NALCN: variants seen among roughly 807,000 people sequenced by gnomAD.
The protein encoded by NALCN is sodium leak channel NALCN.
NALCN carries 111 observed loss-of-function variants against 225.3 expected under a neutral mutation model. The observed-to-expected ratio is 0.49, with a 90% CI of 0.42 to 0.58. The LOEUF is 0.58. Ranked by LOEUF, NALCN falls within the 20% of genes least tolerant of loss-of-function variation. NALCN has a pLI of 0.00. For synonymous variants in NALCN, 764 were observed against 769.0 expected, an observed-to-expected ratio of 0.99 and a Z score of 0.11; for missense variants, 1,378 against 2,202.4, an observed-to-expected ratio of 0.63 and a Z score of 7.49.
chr13:101,391,470 T>C (rs2047142868), intron 3 of NALCN, among the ~76,000 whole-genome samples: 1 of 144,650 alleles, frequency 6.9e-6, no homozygotes, highest in Non-Finnish European at 1.5e-5. Context: ...ATCGCTTGAG[T>C]CTGGGAGTTG....
At chr13:101,160,658 T>C (rs1475309199) in intron 15 of NALCN, among the ~76,000 whole-genome samples, 9 of 152,164 alleles carry the variant, frequency 5.9e-5, no homozygotes, top group Non-Finnish European at 1.0e-4. Context: ...TTGTTTTGTT[T>C]TGTTTTTGTT....
rs188358259 is a variant in NALCN, at chr13:101,104,215, C to T, written c.2889+80G>A. 3 of 1,511,534 alleles carry T rather than the reference C, an allele frequency of 2.0e-6. No homozygotes were observed. The African/African-American group carries it at 4.2e-5, about 21-fold the overall frequency. 93.6% of individuals were successfully genotyped at this position (1,511,534 alleles called of 1,614,324 possible). ...GAATCTAAGCCTCTGTAACTCATAC[C>T]TCTTGCGCTTATACCAAGAAATGCA... On this transcript the variant is annotated intron_variant, in intron 25 of 43. Coordinates refer to ENST00000251127, the MANE Select transcript of NALCN (RefSeq NM_052867.4). This position sits in a 1 kb window ranked among gnomAD's most constrained non-coding sequence, Gnocchi z 4.2.
chr13:101,183,728 G>A (rs1265814026), intron 14 of NALCN, among the ~76,000 whole-genome samples: 1 of 152,026 alleles, frequency 6.6e-6, no homozygotes, highest in Non-Finnish European at 1.5e-5. Flanking sequence ...CCAAAGTGCT[G>A]GGATTATAGG....
chr13:101,337,853 C>T (rs1202474398), intron 7 of NALCN, among the ~76,000 whole-genome samples: 5 of 152,134 alleles, frequency 3.3e-5, no homozygotes, highest in African/African-American at 4.8e-5. Context: ...CCTCAGCACA[C>T]GGGGCAGCAA....
intron 7 of NALCN, among the ~76,000 whole-genome samples, chr13:101,294,965 C>G (rs946253554): frequency 2.6e-5 from 4 of 152,056 alleles, no homozygotes; most frequent in African/African-American, 7.2e-5. Context: ...CAACCGGTTA[C>G]AACACAAATT....
rs552262701 is a variant in NALCN, at chr13:101,226,482, C to T, written c.1626+2911G>A. ...GTGTTTCTTACCTCTTTAACTCTTA[C>T]AATAACCATCCCCATGTTCCCATGG... is the stretch of plus-strand genomic sequence containing the variant. On this transcript the variant is annotated intron_variant, in intron 13 of 43. Transcript: ENST00000251127. 1.2e-3 allele frequency among the ~76,000 whole-genome samples: 177 copies of T among 152,332 alleles called. 1 individual carries two copies. Among genetic ancestry groups the T allele is most frequent in the African/African-American group, 3.8e-3 (158 of 41,578 alleles).
At chr13:101,305,057 G>A (rs560878654) in intron 7 of NALCN, among the ~76,000 whole-genome samples, 1 of 152,142 alleles carries the variant, frequency 6.6e-6, no homozygotes, top group East Asian at 1.9e-4. Flanking sequence ...ACCCGGCCTG[G>A]CCTGGAATAA....
chr13:101,214,855 A>G (rs938210028), intron 13 of NALCN, among the ~76,000 whole-genome samples: 5 of 152,084 alleles, frequency 3.3e-5, no homozygotes, highest in East Asian at 1.9e-4. Flanking sequence ...AAAAAATTCA[A>G]TGGCAAAAGG....
chr13:101,314,218 G>A (rs971465674), intron 7 of NALCN, among the ~76,000 whole-genome samples: 6 of 150,764 alleles, frequency 4.0e-5, no homozygotes, highest in African/African-American at 7.3e-5. Context: ...GCTAAATGAC[G>A]AGTTAATGGG....
At chr13:101,086,112 A>C (rs1232651236) in intron 30 of NALCN, among the ~76,000 whole-genome samples, 2 of 152,102 alleles carry the variant, frequency 1.3e-5, no homozygotes, top group African/African-American at 4.8e-5. Flanking sequence ...TGATTTAAAA[A>C]AAACCAAAAC....
rs1400744028 is a variant in NALCN, at chr13:101,111,160, G to A, written c.2259C>T (p.Ile753=). 1.9e-6 allele frequency: 3 copies of A among 1,608,804 alleles called. No individual in the cohort carries two copies. The Admixed American group carries it at 5.0e-5, about 27-fold the overall frequency. Residue 753 remains isoleucine, a synonymous_variant, in exon 19 of 44, where the codon ATC becomes ATT. Transcript: ENST00000251127. ...FEGQPAKERS[I]LSVQHHIRQE... is the part of the protein sequence containing the mutation. ...GGCGGATATGATGCTGCACGCTGAG[G>A]ATTGACCTCTCCTTTGCGGGCTGCC...
chr13:101,352,684 T>TCC (rs2045940448), intron 6 of NALCN, among the ~76,000 whole-genome samples: 1 of 152,158 alleles, frequency 6.6e-6, no homozygotes, highest in Admixed American at 6.6e-5. Flanking sequence ...TATAAACTGT[T>TCC]CCTAGTAGGT....
chr13:101,318,000 A>G (rs576257294), intron 7 of NALCN, among the ~76,000 whole-genome samples: 1 of 152,298 alleles, frequency 6.6e-6, no homozygotes, highest in South Asian at 2.1e-4. Context: ...AGTATACAAA[A>G]GTACATTATT....
At chr13:101,123,753 T>C (rs1043511507) in intron 18 of NALCN, among the ~76,000 whole-genome samples, 3 of 152,186 alleles carry the variant, frequency 2.0e-5, no homozygotes, top group Non-Finnish European at 4.4e-5. Flanking sequence ...GTTTTAAAGA[T>C]CATATATACT....
intron 22 of NALCN, 75 bp downstream of exon 22, chr13:101,107,409 CCTT>C: frequency 1.9e-6 from 3 of 1,600,920 alleles, no homozygotes; most frequent in East Asian, 2.2e-5. Context: ...ATTACACGTT[CCTT>C]CTTCTTCATA....
chr13:101,093,930 T>A (rs1381146938), intron 28 of NALCN, among the ~76,000 whole-genome samples: 2 of 152,176 alleles, frequency 1.3e-5, no homozygotes. Flanking sequence ...GATTCTCACA[T>A]GACTGAGGTG....
chr13:101,411,205 T>TGC (rs2047772170), intron 1 of NALCN, among the ~76,000 whole-genome samples: 1 of 124,110 alleles, frequency 8.1e-6, no homozygotes, highest in Admixed American at 8.4e-5. Flanking sequence ...TTTATCCTCT[T>TGC]TCTTTTTTTT....
intron 39 of NALCN, 90 bp from the exon 40 acceptor site, chr13:101,065,651 T>TC (rs2032320179): frequency 1.3e-6 from 2 of 1,487,850 alleles, no homozygotes; most frequent in Non-Finnish European, 1.8e-6. Context: ...GTGCTATTTC[T>TC]CAAAAGCTAG....
chr13:101,179,367 A>G (rs1566390088), intron 14 of NALCN, among the ~76,000 whole-genome samples: 2 of 152,212 alleles, frequency 1.3e-5, no homozygotes, highest in African/African-American at 2.4e-5. Flanking sequence ...ATAGCTATAC[A>G]ATGTCTGAAA....
Sources: allele counts gnomAD v4.1 joint callset (sites outside exome capture counted in the v4.1 genomes callset), GRCh38; gene constraint gnomAD v4.1.1; non-coding constraint Gnocchi (gnomAD v3.1); transcripts MANE v1.5; gene names NCBI Gene and HGNC (gene_info 2026-07-23, HGNC 2026-07-21).